PLEKHG4B: variants seen among roughly 807,000 people sequenced by gnomAD.
PLEKHG4B encodes pleckstrin homology and RhoGEF domain containing G4B, also known as pleckstrin homology domain-containing family G member 4B.
A neutral mutation model predicts 121.3 loss-of-function variants in PLEKHG4B; 111 were observed. The observed-to-expected ratio is 0.92, with a 90% CI of 0.78 to 1.07. The LOEUF is 1.07. Ranked by LOEUF, PLEKHG4B falls within the 50% of genes least tolerant of loss-of-function variation. The pLI, the probability that PLEKHG4B is intolerant of heterozygous loss-of-function variation, is 0.00. For missense variants in PLEKHG4B, 1,831 were observed against 1,757.8 expected (o/e 1.04, Z -0.74); for synonymous variants, 738 against 725.0 (o/e 1.02, Z -0.29).
rs759377344 is a variant in PLEKHG4B at position 169,606 on chromosome 5, A to G, written c.3729+14A>G. 103 of 1,610,602 alleles carry G rather than the reference A, an allele frequency of 6.4e-5. 1 individual carries two copies. Among genetic ancestry groups the G allele is most frequent in the Non-Finnish European group, 8.7e-5 (103 of 1,179,434 alleles). On this transcript the variant is annotated intron_variant, in intron 14 of 19. Transcript: ENST00000637938. ...TTCCTGAGACACGTAAGTGCAGGCC[A>G]TGGCGTGGGTGCCGGGCAACGTGGT...
chr5:132,525 GGTCTTAGATTTAA>G (rs1734809003), intron 2 of PLEKHG4B, among the ~76,000 whole-genome samples: 1 of 152,124 alleles, frequency 6.6e-6, no homozygotes. Context: ...TATGGTTTCT[GGTCTTAGATTTAA>G]GTCTGTAATC....
chr5:142,263 G>A (rs1169186938), intron 3 of PLEKHG4B, among the ~76,000 whole-genome samples: 1 of 152,030 alleles, frequency 6.6e-6, no homozygotes, highest in Non-Finnish European at 1.5e-5. Flanking sequence ...CTGTTGTACT[G>A]GGCAGAAAAG....
intron 1 of PLEKHG4B, among the ~76,000 whole-genome samples, chr5:95,984 C>T (rs1047051565): frequency 6.6e-6 from 1 of 152,258 alleles, no homozygotes; most frequent in Non-Finnish European, 1.5e-5. Context: ...CACTTGCCTT[C>T]AGGTAGTGAC....
At chr5:148,048 C>T (rs1334227265) in intron 6 of PLEKHG4B, among the ~76,000 whole-genome samples, 24 of 151,986 alleles carry the variant, frequency 1.6e-4, no homozygotes, top group Non-Finnish European at 1.5e-5. Flanking sequence ...GATGAAAGCA[C>T]TCAATATACT....
chr5:134,647 T>A (rs1396270334), intron 2 of PLEKHG4B, among the ~76,000 whole-genome samples: 1 of 151,392 alleles, frequency 6.6e-6, no homozygotes, highest in African/African-American at 2.4e-5. Flanking sequence ...GTGCCTGTAA[T>A]CCGAGCTACT....
chr5:133,506 C>G (rs1367080079), intron 2 of PLEKHG4B, among the ~76,000 whole-genome samples: 1 of 151,902 alleles, frequency 6.6e-6, no homozygotes, highest in African/African-American at 2.4e-5. Context: ...AGAAGATATA[C>G]AGATGACCAA....
intron 17 of PLEKHG4B, among the ~76,000 whole-genome samples, chr5:173,627 A>G (rs1736644229): frequency 1.4e-5 from 2 of 146,290 alleles, no homozygotes; most frequent in Admixed American, 1.3e-4. Context: ...CATGAGCAGC[A>G]TTGCACACAG....
chr5:170,351 G>A (rs568166584), intron 14 of PLEKHG4B, among the ~76,000 whole-genome samples: 15 of 152,044 alleles, frequency 9.9e-5, no homozygotes, highest in African/African-American at 3.6e-4. Flanking sequence ...TGCCCAGACT[G>A]GAGTGCAGTG....
At chr5:103,021 C>T (rs1481924764) in intron 1 of PLEKHG4B, among the ~76,000 whole-genome samples, 2 of 152,188 alleles carry the variant, frequency 1.3e-5, no homozygotes, top group Non-Finnish European at 2.9e-5. Flanking sequence ...GTTTGCACCC[C>T]TCCATTGCAG....
intron 2 of PLEKHG4B, among the ~76,000 whole-genome samples, chr5:116,377 TGAA>T (rs1734308046): frequency 6.6e-6 from 1 of 152,144 alleles, no homozygotes; most frequent in Non-Finnish European, 1.5e-5. Flanking sequence ...ATAATAATAA[TGAA>T]GGAGTTTGAA....
At chr5:131,460 T>C (rs1291120668) in intron 2 of PLEKHG4B, among the ~76,000 whole-genome samples, 1 of 152,220 alleles carries the variant, frequency 6.6e-6, no homozygotes, top group Non-Finnish European at 1.5e-5. Context: ...TTTTTATGGC[T>C]ACATAGTATT....
In PLEKHG4B at chr5:126,863, T is replaced by C. The variant is rs1365526285; in HGVS notation, c.244-12620T>C. Reference sequence around the variant, plus strand: ...GGGTGCCCAAAAGGGAAATCTGGCCTGCGGCAGAGAGCACCAGATTTTATA... The same window carrying C: ...GGGTGCCCAAAAGGGAAATCTGGCCCGCGGCAGAGAGCACCAGATTTTATA... On this transcript the variant is annotated intron_variant, in intron 2 of 19. Transcript: ENST00000637938. Among the ~76,000 whole-genome samples the C allele has an allele frequency of 2.0e-5, 3 of 152,284 alleles. No individual in the cohort carries two copies. The East Asian group carries it at 5.8e-4, about 29-fold the overall frequency.
chr5:173,930 G>C lies in PLEKHG4B; in HGVS notation c.4234G>C (p.Gly1412Arg), dbSNP rs780252143. The change falls in exon 18 of 20, where the codon GGG (glycine) becomes CGG (arginine). Residue 1412 changes from glycine (G) to arginine (R), a missense_variant. Transcript: ENST00000637938. ...YKQSFKTAEI[G>R]MTENVGDSGL... ...TTGCTGACTGCAGACGGCCGAGATC[G>C]GGATGACAGAGAACGTCGGGGACAG... is the stretch of plus-strand genomic sequence containing the variant. 2 of 1,613,538 alleles carry C rather than the reference G, an allele frequency of 1.2e-6. No individual in the cohort carries two copies. The highest frequency in any genetic ancestry group is 1.7e-5 in the Admixed American group (1 of 59,970).
At chr5:154,191 A>G (rs2126422393) in intron 7 of PLEKHG4B, among the ~76,000 whole-genome samples, 1 of 150,222 alleles carries the variant, frequency 6.7e-6, no homozygotes, top group Admixed American at 6.6e-5. Context: ...TTTTTAGTAG[A>G]GACGGGGTTT....
chr5:134,075 GAATA>G (rs1360283122), intron 2 of PLEKHG4B, among the ~76,000 whole-genome samples: 1 of 51,164 alleles, frequency 2.0e-5, no homozygotes, highest in Non-Finnish European at 3.7e-5. Context: ...ATATATGATA[GAATA>G]TATATATATA....
intron 18 of PLEKHG4B, among the ~76,000 whole-genome samples, chr5:175,340 G>A (rs895826783): frequency 6.6e-6 from 1 of 152,032 alleles, no homozygotes; most frequent in Non-Finnish European, 1.5e-5. Flanking sequence ...TCTTCACTGA[G>A]GGTGACTCTC....
rs1344094466 is a variant in PLEKHG4B at position 157,699 on chromosome 5, G to A, written c.2487+788G>A. On this transcript the variant is annotated intron_variant, in intron 11 of 19. Transcript: ENST00000637938. This position sits in a 1 kb window ranked among gnomAD's most constrained non-coding sequence, Gnocchi z 4.6. ...CTCTGGGCCTGACAGTTTAAGGGGT[G>A]CACACTCAGATAAAAAGTTTCTTTC... Among the ~76,000 whole-genome samples the A allele has an allele frequency of 2.0e-5, 3 of 152,196 alleles. No homozygotes were observed. Among genetic ancestry groups the A allele is most frequent in the African/African-American group, 7.2e-5 (3 of 41,428 alleles).
At chr5:144,742 A>G in intron 5 of PLEKHG4B, 85 bp from the exon 6 acceptor site, 4 of 1,191,360 alleles carry the variant, frequency 3.4e-6, no homozygotes, top group Non-Finnish European at 4.9e-6. Flanking sequence ...GAAACCAGTA[A>G]CAACTAGCCT....
rs867176777 is a variant in PLEKHG4B, at chr5:162,995, C to A, written c.2923C>A (p.Pro975Thr). Residue 975 changes from proline to threonine, a missense_variant, in exon 13 of 20, where the codon CCA becomes ACA. Transcript: ENST00000637938. ...PSLPPLAQSPPKHERAQEAMR... is the reference protein window; with the variant it reads ...PSLPPLAQSPTKHERAQEAMR... ...CTTACCGCCCCTTGCCCAGAGCCCC[C>A]CAAAGCATGAGCGTGCCCAGGAGGC... 18 of 1,567,300 alleles carry A rather than the reference C, an allele frequency of 1.1e-5. No individual in the cohort carries two copies. The highest frequency in any genetic ancestry group is 1.5e-5 in the Non-Finnish European group (17 of 1,156,210).
Sources: gnomAD v4.1 joint callset for allele counts (sites outside exome capture counted in the v4.1 genomes callset) on GRCh38, gnomAD v4.1.1 for gene constraint, Gnocchi (gnomAD v3.1) non-coding constraint, MANE v1.5 for transcripts, NCBI Gene and HGNC (gene_info 2026-07-23, HGNC 2026-07-21) for gene names.